The following UGGT2 variants were observed in gnomAD, a reference collection of about 807,000 sequenced individuals.
UGGT2 encodes the protein UDP-glucose glycoprotein glucosyltransferase 2, also known as UDP-glucose:glycoprotein glucosyltransferase 2.
Under a neutral mutation model 192.1 loss-of-function variants are expected in UGGT2, and 180 were observed. That is an observed-to-expected ratio of 0.94 (90% CI 0.83 to 1.06). UGGT2 has a LOEUF of 1.06. Among genes scored for constraint, UGGT2 ranks in the 50% least tolerant of loss-of-function variants. The pLI, the probability that UGGT2 is intolerant of heterozygous loss-of-function variation, is 0.00. For synonymous variants in UGGT2, 580 were observed against 591.0 expected (o/e 0.98, Z 0.27); for missense variants, 1,849 against 1,795.7 (o/e 1.03, Z -0.54).
In UGGT2 at chr13:95,863,704, T is replaced by TAAACA. The variant is rs769673969; in HGVS notation, c.3568_3569insTGTTT (p.Glu1190ValfsTer31). 153 of 1,612,362 alleles carry TAAACA rather than the reference T, an allele frequency of 9.5e-5. No homozygotes were observed. Among genetic ancestry groups the TAAACA allele is most frequent in the Non-Finnish European group, 1.3e-4 (153 of 1,178,898 alleles). The stretch of plus-strand genomic sequence containing the variant: ...GATATCTTCCTTAATTTTGTCTGTT[T>TAAACA]CTTTTTTCACCTAGATAGCATGGCA... On this transcript the variant is annotated frameshift_variant, in exon 31 of 39. Coordinates refer to ENST00000376747, the MANE Select transcript of UGGT2 (RefSeq NM_020121.4). LOFTEE classifies it high-confidence loss of function.
At chr13:95,882,985 T>A (rs376654418) in intron 27 of UGGT2, among the ~76,000 whole-genome samples, 2 of 152,172 alleles carry the variant, frequency 1.3e-5, no homozygotes, top group Admixed American at 1.3e-4. Context: ...TCACTTCTTA[T>A]AAGATTCATT....
intron 8 of UGGT2, among the ~76,000 whole-genome samples, chr13:95,989,286 G>T (rs2051387052): frequency 6.6e-6 from 1 of 151,964 alleles, no homozygotes; most frequent in South Asian, 2.1e-4. Context: ...TATCATCTGA[G>T]ATATAAAAGC....
At chr13:95,841,377 C>T (rs1219040706) in intron 36 of UGGT2, among the ~76,000 whole-genome samples, 1 of 152,094 alleles carries the variant, frequency 6.6e-6, no homozygotes, top group African/African-American at 2.4e-5. Flanking sequence ...ACTAGTGTAC[C>T]CTTGACTGAA....
At chr13:96,007,697 T>A (rs2139047378) in intron 5 of UGGT2, among the ~76,000 whole-genome samples, 1 of 152,132 alleles carries the variant, frequency 6.6e-6, no homozygotes, top group East Asian at 1.9e-4. Context: ...TTACAAATAA[T>A]ATAAAATACC....
chr13:95,909,201 G>A, intron 20 of UGGT2, among the ~76,000 whole-genome samples: 1 of 152,254 alleles, frequency 6.6e-6, no homozygotes, highest in East Asian at 1.9e-4. Context: ...TTATTAAATA[G>A]GGAATCCTTT....
At chr13:95,889,203 C>A (rs1594242230) in intron 25 of UGGT2, among the ~76,000 whole-genome samples, 1 of 151,858 alleles carries the variant, frequency 6.6e-6, no homozygotes, top group East Asian at 1.9e-4. Context: ...TAGCTCCACT[C>A]CTTTCAGATA....
intron 33 of UGGT2, among the ~76,000 whole-genome samples, chr13:95,858,376 C>T (rs1889823239): frequency 1.3e-5 from 2 of 151,922 alleles, no homozygotes; most frequent in Admixed American, 6.6e-5. Flanking sequence ...CCTTGGGCCA[C>T]AAAGCATCAG....
At chr13:95,884,084 A>AACAC (rs1555346760) in intron 27 of UGGT2, among the ~76,000 whole-genome samples, 1 of 132,012 alleles carries the variant, frequency 7.6e-6, no homozygotes, top group South Asian at 2.4e-4. Context: ...AAAAAAAAAA[A>AACAC]AACCAACAAC....
chr13:95,833,013 G>A lies in UGGT2; in HGVS notation c.4442C>T (p.Ala1481Val), dbSNP rs752245489. The change falls in exon 38 of 39, where the codon GCT becomes GTT. Residue 1481 changes from alanine to valine, a missense_variant. Transcript: ENST00000376747. ...PKTKESKLKA[A>V]ARIVPEWVEY... ...CACCCATTCTGGGACAATTCTGGCA[G>A]CAGCTTTTAGTTTGGATTCTTTTGT... 1 of 1,612,694 alleles carries A rather than the reference G, an allele frequency of 6.2e-7. No homozygotes were observed.
chr13:95,951,566 C>A (rs1391691862), intron 12 of UGGT2, among the ~76,000 whole-genome samples: 2 of 152,220 alleles, frequency 1.3e-5, no homozygotes. Flanking sequence ...CTTTTCCTGA[C>A]TAAAAGCAAG....
intron 20 of UGGT2, among the ~76,000 whole-genome samples, chr13:95,917,585 G>A (rs1014406667): frequency 1.3e-5 from 2 of 152,092 alleles, no homozygotes; most frequent in South Asian, 4.2e-4. Flanking sequence ...ATGCAAATGG[G>A]TTAAATGCCC....
intron 7 of UGGT2, 38 bp downstream of exon 7, chr13:95,996,025 G>T (rs370982750): frequency 6.4e-7 from 1 of 1,558,300 alleles, no homozygotes; most frequent in Non-Finnish European, 8.8e-7. Context: ...AAAACCAATG[G>T]GTATAATAAT....
chr13:95,927,852 G>A (rs2049080673), intron 17 of UGGT2, among the ~76,000 whole-genome samples: 1 of 151,960 alleles, frequency 6.6e-6, no homozygotes, highest in Non-Finnish European at 1.5e-5. Context: ...TTGAGATTCG[G>A]GAGTGGTGAT....
At chr13:95,834,417 A>T (rs1015109437) in intron 37 of UGGT2, among the ~76,000 whole-genome samples, 1 of 152,122 alleles carries the variant, frequency 6.6e-6, no homozygotes, top group African/African-American at 2.4e-5. Flanking sequence ...AACAATGCAC[A>T]GGAAAACCCC....
At chr13:95,902,818 A>T (rs1421090664) in intron 21 of UGGT2, 36 bp downstream of exon 21, 1 of 1,557,170 alleles carries the variant, frequency 6.4e-7, no homozygotes. Flanking sequence ...AAAATATGCA[A>T]TACATACATA....
intron 12 of UGGT2, among the ~76,000 whole-genome samples, chr13:95,968,728 C>CT (rs556858668): frequency 6.6e-6 from 1 of 151,970 alleles, no homozygotes; most frequent in Non-Finnish European, 1.5e-5. Flanking sequence ...AAGTAAACTT[C>CT]TTTTTTTTAT....
intron 12 of UGGT2, among the ~76,000 whole-genome samples, 174 bp from the exon 13 acceptor site, chr13:95,949,628 A>G (rs1459836601): frequency 6.6e-6 from 1 of 152,232 alleles, no homozygotes; most frequent in East Asian, 1.9e-4. Context: ...TATGTGCAAC[A>G]ATTTTATACT....
chr13:95,942,826 G>T (rs1326912614), intron 15 of UGGT2, among the ~76,000 whole-genome samples: 4 of 152,034 alleles, frequency 2.6e-5, no homozygotes, highest in African/African-American at 9.7e-5. Context: ...GTATTTTCCT[G>T]CAGACTTAGA....
chr13:96,008,740 C>G (rs1279156534), intron 5 of UGGT2, among the ~76,000 whole-genome samples: 1 of 152,078 alleles, frequency 6.6e-6, no homozygotes, highest in African/African-American at 2.4e-5. Flanking sequence ...ATGACACAAA[C>G]AAATGGAAAA....
Sources: allele counts gnomAD v4.1 joint callset (sites outside exome capture counted in the v4.1 genomes callset), GRCh38; gene constraint gnomAD v4.1.1; transcripts MANE v1.5; gene names NCBI Gene and HGNC (gene_info 2026-07-23, HGNC 2026-07-21).